The following TMEM132D variants were observed in gnomAD, a reference collection of about 807,000 sequenced individuals.
The protein encoded by TMEM132D is transmembrane protein 132D.
A neutral mutation model predicts 62.3 loss-of-function variants in TMEM132D; 21 were observed. The observed-to-expected ratio is 0.34, with a 90% CI of 0.24 to 0.49. The LOEUF (loss-of-function observed/expected upper bound fraction) is 0.49. Among genes scored for constraint, TMEM132D ranks in the 20% least tolerant of loss-of-function variants. The pLI, the probability that TMEM132D is intolerant of heterozygous loss-of-function variation, is 0.99. For missense variants in TMEM132D, 1,346 were observed against 1,402.8 expected, an observed-to-expected ratio of 0.96 and a Z score of 0.65; for synonymous variants, 621 against 575.6, an observed-to-expected ratio of 1.08 and a Z score of -1.13.
chr12:129,413,010 G>A lies in TMEM132D; in HGVS notation c.1116-75193C>T, dbSNP rs116440552. Among the ~76,000 whole-genome samples, 1,089 of 152,174 alleles carry A rather than the reference G, an allele frequency of 7.2e-3. 11 individuals are homozygous for A. The highest frequency in any genetic ancestry group is 0.02 in the African/African-American group (843 of 41,490). ...TTCCATGAGAAAAATAATCTCTTACGATAGACCACAGTAGTCCAGTTTCTG... is the reference window on the plus strand; with the variant it reads ...TTCCATGAGAAAAATAATCTCTTACAATAGACCACAGTAGTCCAGTTTCTG... On this transcript the variant is annotated intron_variant, in intron 3 of 8. Transcript: ENST00000422113.
intron 3 of TMEM132D, among the ~76,000 whole-genome samples, chr12:129,389,782 G>A (rs976130094): frequency 6.6e-6 from 1 of 152,188 alleles, no homozygotes; most frequent in Non-Finnish European, 1.5e-5. Flanking sequence ...ACAGCTCTTT[G>A]AAGTAAGGAC....
intron 3 of TMEM132D, among the ~76,000 whole-genome samples, chr12:129,466,356 G>A (rs1354883567): frequency 1.4e-5 from 2 of 140,000 alleles, no homozygotes; most frequent in Admixed American, 7.7e-5. Flanking sequence ...CACACAGGCT[G>A]GAGTGCAGGG....
At chr12:129,101,884 A>G (rs960938764) in intron 5 of TMEM132D, among the ~76,000 whole-genome samples, 1 of 152,086 alleles carries the variant, frequency 6.6e-6, no homozygotes, top group Non-Finnish European at 1.5e-5. Context: ...TGCAAACAAT[A>G]TTTTTGAAAA....
intron 3 of TMEM132D, among the ~76,000 whole-genome samples, chr12:129,488,786 G>A (rs1209884330): frequency 6.6e-6 from 1 of 151,976 alleles, no homozygotes; most frequent in Non-Finnish European, 1.5e-5. Flanking sequence ...GGGCAAGGAG[G>A]ATATGGGATC....
chr12:129,822,745 T>A (rs1158735315), intron 1 of TMEM132D, among the ~76,000 whole-genome samples: 1 of 152,190 alleles, frequency 6.6e-6, no homozygotes, highest in Non-Finnish European at 1.5e-5. Flanking sequence ...GGGAAGTCCC[T>A]TATAAAACCA....
intron 1 of TMEM132D, among the ~76,000 whole-genome samples, chr12:129,706,625 A>C (rs1206459858): frequency 6.6e-6 from 1 of 151,958 alleles, no homozygotes; most frequent in Non-Finnish European, 1.5e-5. Flanking sequence ...TAAATAACTA[A>C]TGCTATTATA....
chr12:129,268,169 C>A (rs1277859385), intron 4 of TMEM132D, among the ~76,000 whole-genome samples: 1 of 152,130 alleles, frequency 6.6e-6, no homozygotes, highest in Non-Finnish European at 1.5e-5. Context: ...GCAACCAAAG[C>A]CAAAATTGAC....
intron 2 of TMEM132D, 130 bp from the exon 3 acceptor site, chr12:129,531,335 T>G (rs1876220751): frequency 8.8e-7 from 1 of 1,136,622 alleles, no homozygotes; most frequent in African/African-American, 1.5e-5. Context: ...TACTAGGATT[T>G]AAACACAAAT....
chr12:129,385,817 C>T (rs148228249), intron 3 of TMEM132D, among the ~76,000 whole-genome samples: 12 of 152,260 alleles, frequency 7.9e-5, no homozygotes, highest in Admixed American at 2.0e-4. Flanking sequence ...GCAGCCAAAC[C>T]CCTGGTGCAT....
intron 3 of TMEM132D, among the ~76,000 whole-genome samples, chr12:129,422,893 T>C (rs1164701758): frequency 6.6e-6 from 1 of 150,986 alleles, no homozygotes; most frequent in Non-Finnish European, 1.5e-5. Flanking sequence ...TATATATATG[T>C]ATACATATAC....
intron 1 of TMEM132D, among the ~76,000 whole-genome samples, chr12:129,751,528 A>G (rs1379658520): frequency 7.8e-6 from 1 of 128,198 alleles, no homozygotes; most frequent in Non-Finnish European, 1.8e-5. Flanking sequence ...GCCAGCCTCC[A>G]GCTCCCTGCA....
chr12:129,352,806 G>A (rs916813407), intron 3 of TMEM132D, among the ~76,000 whole-genome samples: 3 of 152,196 alleles, frequency 2.0e-5, no homozygotes. Context: ...GTTTTACACT[G>A]TTGGTGGGAG....
intron 5 of TMEM132D, among the ~76,000 whole-genome samples, chr12:129,095,346 G>GTTTTTTTTTTTTT: frequency 9.5e-6 from 1 of 105,354 alleles, no homozygotes; most frequent in Non-Finnish European, 1.8e-5. Context: ...ATGCCTGCTG[G>GTTTTTTTTTTTTT]TTTTTTTTTT....
intron 1 of TMEM132D, among the ~76,000 whole-genome samples, chr12:129,769,430 G>A (rs1870656721): frequency 6.6e-6 from 1 of 152,108 alleles, no homozygotes; most frequent in African/African-American, 2.4e-5. Context: ...GGAAAAACCT[G>A]CCCCCATGAT....
chr12:129,796,466 G>A (rs746002041), intron 1 of TMEM132D, among the ~76,000 whole-genome samples: 46 of 152,076 alleles, frequency 3.0e-4, no homozygotes, highest in Non-Finnish European at 5.7e-4. Flanking sequence ...AGGGGTACAT[G>A]TGAAGGTTTG....
chr12:129,535,410 G>GGA (rs1876353630), intron 2 of TMEM132D, among the ~76,000 whole-genome samples: 1 of 152,172 alleles, frequency 6.6e-6, no homozygotes, highest in African/African-American at 2.4e-5. Flanking sequence ...GGATTTGGAT[G>GGA]GAGGATTTGC....
intron 4 of TMEM132D, among the ~76,000 whole-genome samples, chr12:129,298,292 G>C (rs1881626158): frequency 6.6e-6 from 1 of 152,166 alleles, no homozygotes; most frequent in Non-Finnish European, 1.5e-5. Flanking sequence ...AGCTTGCAAA[G>C]TCACACTTCT....
intron 5 of TMEM132D, among the ~76,000 whole-genome samples, chr12:129,193,689 GA>G (rs750232002): frequency 9.2e-5 from 14 of 152,192 alleles, no homozygotes; most frequent in Non-Finnish European, 1.5e-4. Context: ...TTAATACAAA[GA>G]TGGGTTTGTT....
chr12:129,659,506 C>G (rs900134479), intron 2 of TMEM132D, among the ~76,000 whole-genome samples: 1 of 152,120 alleles, frequency 6.6e-6, no homozygotes, highest in East Asian at 1.9e-4. Context: ...TCTTCTGCTT[C>G]GATTGAGCAT....
Sources: allele counts gnomAD v4.1 joint callset (sites outside exome capture counted in the v4.1 genomes callset), GRCh38; gene constraint gnomAD v4.1.1; transcripts MANE v1.5; gene names NCBI Gene and HGNC (gene_info 2026-07-23, HGNC 2026-07-21).